The following SPMAP2 variants were observed in gnomAD, a reference collection of about 807,000 sequenced individuals.
SPMAP2 encodes Theg homolog.
At chr19:375,437 C>T in the SPMAP2 span, among the ~76,000 whole-genome samples, 2 of 152,332 alleles carry the variant, frequency 1.3e-5, no homozygotes, top group Middle Eastern at 3.4e-3. Flanking sequence ...GATAGGGGAG[C>T]GTCTGCTGGT....
At chr19:373,256 C>T in the SPMAP2 span, among the ~76,000 whole-genome samples, 6 of 152,120 alleles carry the variant, frequency 3.9e-5, no homozygotes, top group Admixed American at 1.3e-4. Flanking sequence ...ATTCTTGCCC[C>T]GATTTGGCCC....
chr19:374,031 G>A, the SPMAP2 span: 398 of 1,610,304 alleles, frequency 2.5e-4, 3 homozygotes, highest in South Asian at 1.3e-3. Context: ...GACAGGGTCC[G>A]AGCCCCACTG....
chr19:371,605 C>T, the SPMAP2 span, among the ~76,000 whole-genome samples: 123 of 152,308 alleles, frequency 8.1e-4, no homozygotes, highest in South Asian at 0.012. Context: ...CAATGTGCAA[C>T]GTCCACCCTC....
the SPMAP2 span, chr19:374,596 G>C: frequency 2.5e-6 from 2 of 813,806 alleles, no homozygotes; most frequent in African/African-American, 1.7e-5. Flanking sequence ...CGAAGGCCTG[G>C]ACCAACCGCA....
At chr19:364,569 C>T in the SPMAP2 span, among the ~76,000 whole-genome samples, 1 of 151,484 alleles carries the variant, frequency 6.6e-6, no homozygotes, top group Non-Finnish European at 1.5e-5. Flanking sequence ...GGGGCCACAG[C>T]CAAGAGAGCT....
chr19:371,080 CA>C, the SPMAP2 span: 1 of 545,628 alleles, frequency 1.8e-6, no homozygotes, highest in African/African-American at 1.9e-5. Flanking sequence ...TGCTCCCAGA[CA>C]AAGGCAGCCG....
the SPMAP2 span, among the ~76,000 whole-genome samples, chr19:375,088 C>A: frequency 2.0e-5 from 3 of 152,122 alleles, no homozygotes; most frequent in African/African-American, 7.2e-5. Flanking sequence ...CGTGCAGGGA[C>A]CACGCTGCAG....
At chr19:374,209 C>T in the SPMAP2 span, 2 of 1,566,670 alleles carry the variant, frequency 1.3e-6, no homozygotes, top group Non-Finnish European at 1.7e-6. Flanking sequence ...GGGAGGGGAG[C>T]CGAGCAGTGG....
chr19:369,488 G>A, the SPMAP2 span, among the ~76,000 whole-genome samples: 3 of 152,004 alleles, frequency 2.0e-5, no homozygotes, highest in Admixed American at 6.5e-5. Flanking sequence ...CCAGGAAGGG[G>A]ATCGCCTCAG....
the SPMAP2 span, among the ~76,000 whole-genome samples, chr19:364,197 C>A: frequency 6.7e-6 from 1 of 149,820 alleles, no homozygotes; most frequent in Non-Finnish European, 1.5e-5. Flanking sequence ...ATTAGCCGGG[C>A]GTGGTGGCGG....
the SPMAP2 span, among the ~76,000 whole-genome samples, chr19:372,878 T>C: frequency 6.6e-6 from 1 of 152,340 alleles, no homozygotes; most frequent in Admixed American, 6.5e-5. Context: ...TTGCTGTCCC[T>C]GATTTAGGGA....
the SPMAP2 span, among the ~76,000 whole-genome samples, chr19:363,400 C>T: frequency 5.9e-5 from 9 of 152,172 alleles, no homozygotes; most frequent in African/African-American, 2.2e-4. Flanking sequence ...ACCATGTTGG[C>T]CAGGCTGGTC....
chr19:364,072 G>A, the SPMAP2 span, among the ~76,000 whole-genome samples: 11 of 151,582 alleles, frequency 7.3e-5, no homozygotes, highest in African/African-American at 2.2e-4. Context: ...GGTGGCTCAT[G>A]CCTGTAATCC....
chr19:375,346 G>A, the SPMAP2 span, among the ~76,000 whole-genome samples: 39 of 152,058 alleles, frequency 2.6e-4, no homozygotes, highest in African/African-American at 8.4e-4. Context: ...GCCATCACTC[G>A]CTAAACTCTG....
At chr19:374,960 T>C in the SPMAP2 span, among the ~76,000 whole-genome samples, 1 of 152,224 alleles carries the variant, frequency 6.6e-6, no homozygotes, top group African/African-American at 2.4e-5. Context: ...CTCACACTCC[T>C]GCTGTTTTCT....
At chr19:374,670 C>T in the SPMAP2 span, 1 of 541,308 alleles carries the variant, frequency 1.8e-6, no homozygotes, top group African/African-American at 1.9e-5. Context: ...CCTCAGCTTC[C>T]TCCTCTGTGA....
the SPMAP2 span, among the ~76,000 whole-genome samples, chr19:375,044 C>T: frequency 2.0e-5 from 3 of 152,148 alleles, no homozygotes; most frequent in Admixed American, 2.0e-4. Flanking sequence ...CTGGGCGGCA[C>T]GGAAACCACG....
the SPMAP2 span, among the ~76,000 whole-genome samples, chr19:364,183 A>C: frequency 1.1e-4 from 17 of 150,460 alleles, 1 homozygote; most frequent in African/African-American, 4.1e-4. Context: ...AATACAAAAA[A>C]AAAATTAGCC....
the SPMAP2 span, chr19:375,748 G>T: frequency 3.1e-5 from 50 of 1,610,020 alleles, no homozygotes; most frequent in Admixed American, 8.4e-4. Context: ...AGGGTCTCCG[G>T]GAACTCCTCC....
Sources: allele counts gnomAD v4.1 joint callset (sites outside exome capture counted in the v4.1 genomes callset), GRCh38; gene constraint gnomAD v4.1.1; transcripts MANE v1.5; gene names NCBI Gene and HGNC (gene_info 2026-07-23, HGNC 2026-07-21).